The following TRAPPC9 variants were observed in gnomAD, a reference collection of about 807,000 sequenced individuals.
TRAPPC9 encodes trafficking protein particle complex subunit 9.
In TRAPPC9, 83 loss-of-function variants were observed where a neutral mutation model predicts 124.0. The ratio of observed to expected loss-of-function variants is 0.67; its 90% CI spans 0.56 to 0.80. The LOEUF (loss-of-function observed/expected upper bound fraction) is 0.80, where lower values mean the gene tolerates loss of function less well. Among genes scored for constraint, TRAPPC9 ranks in the 30% least tolerant of loss-of-function variants. The pLI is 0.00. For synonymous variants in TRAPPC9, 638 were observed against 617.5 expected (o/e 1.03, Z -0.49); for missense variants, 1,302 against 1,508.3 (o/e 0.86, Z 2.27).
In TRAPPC9 at chr8:140,097,254, T is replaced by A. The variant is rs2060469014; in HGVS notation, c.2557-73175A>T. On this transcript the variant is annotated intron_variant, in intron 17 of 22. Coordinates refer to ENST00000438773, the MANE Select transcript of TRAPPC9 (RefSeq NM_001160372.4). The surrounding 1 kb of genome is among the most constrained non-coding windows in gnomAD (Gnocchi z 4.2). ...GCAGAAGAGGAACACACACACCCCA[T>A]CCCCACCAGGTCCTGAGTGCACAGC... 1.3e-5 allele frequency: 2 copies of A among 152,264 alleles called. No homozygotes were observed. Among genetic ancestry groups the A allele is most frequent in the Non-Finnish European group, 2.9e-5 (2 of 68,274 alleles). The allele number at this position is 152,264 out of a possible 1,614,324, so 9.4% of individuals were successfully genotyped here.
At chr8:140,320,931 C>T (rs1191533063) in intron 9 of TRAPPC9, among the ~76,000 whole-genome samples, 1 of 152,188 alleles carries the variant, frequency 6.6e-6, no homozygotes, top group African/African-American at 2.4e-5. Flanking sequence ...GTGCCCATTA[C>T]GAGTACACCT....
Position 140,229,523 on chromosome 8 carries a change from C to G in TRAPPC9, c.2432-7940G>C, listed in dbSNP as rs941661631. Among the ~76,000 whole-genome samples the G allele has an allele frequency of 1.1e-4, 16 of 151,928 alleles. 1 individual carries two copies. Among genetic ancestry groups the G allele is most frequent in the Admixed American group, 9.8e-4 (15 of 15,260 alleles). On this transcript the variant is annotated intron_variant, in intron 16 of 22. Coordinates refer to ENST00000438773, the MANE Select transcript of TRAPPC9 (RefSeq NM_001160372.4). The stretch of plus-strand genomic sequence containing the variant: ...GACCTCGTGATCCACCCACCTCGGC[C>G]TCCCAAAGTGCTGGAATTATATATA...
intron 2 of TRAPPC9, among the ~76,000 whole-genome samples, chr8:140,444,867 G>A (rs867742764): frequency 1.4e-4 from 16 of 113,972 alleles, no homozygotes; most frequent in Non-Finnish European, 1.4e-4. Flanking sequence ...CCAATCTCAG[G>A]AAAAAAAAAA....
chr8:140,019,258 GTTTTC>G (rs1839672225), intron 18 of TRAPPC9, among the ~76,000 whole-genome samples: 1 of 152,098 alleles, frequency 6.6e-6, no homozygotes. Context: ...TTGGTCTACA[GTTTTC>G]TTTTCTCATA....
intron 18 of TRAPPC9, among the ~76,000 whole-genome samples, chr8:139,996,108 G>A (rs1246842515): frequency 1.1e-4 from 8 of 71,756 alleles, no homozygotes; most frequent in South Asian, 1.1e-3. Context: ...GTGAAAAGAC[G>A]GAAAATCTCA....
intron 21 of TRAPPC9, among the ~76,000 whole-genome samples, chr8:139,831,016 A>T (rs10108609): frequency 6.6e-6 from 1 of 152,110 alleles, no homozygotes; most frequent in Admixed American, 6.6e-5. Context: ...GCACTTGGCA[A>T]TCACAGCGAC....
intron 18 of TRAPPC9, among the ~76,000 whole-genome samples, chr8:139,991,521 T>A (rs4998523): frequency 0.015 from 2,359 of 152,306 alleles, 54 homozygotes; most frequent in African/African-American, 0.053. Context: ...TGGCTTTGGA[T>A]GCTTGGTTTT....
At chr8:140,224,910 A>C (rs960981737) in intron 16 of TRAPPC9, among the ~76,000 whole-genome samples, 2 of 152,148 alleles carry the variant, frequency 1.3e-5, no homozygotes, top group Non-Finnish European at 1.5e-5. Flanking sequence ...GCCCGGTAGG[A>C]GATCAGAGGG....
At position 139,788,832 on chromosome 8, in the gene TRAPPC9, G is replaced by T. The variant is rs889843224; in HGVS notation, c.3056-56630C>A. Among the ~76,000 whole-genome samples, 21 of 152,188 alleles carry T rather than the reference G, an allele frequency of 1.4e-4. No homozygotes were observed. The highest frequency in any genetic ancestry group is 2.2e-4 in the Non-Finnish European group (15 of 68,038). On this transcript the variant is annotated intron_variant, in intron 21 of 22. Transcript: ENST00000438773. The surrounding 1 kb of genome is among the most constrained non-coding windows in gnomAD (Gnocchi z 4.9). ...GCTGCCTTCACAAGAGGTGTGGTGG[G>T]GGGCTTTCAGAAACAAAACAAGATA...
At chr8:140,034,463 A>G (rs1840748056) in intron 17 of TRAPPC9, among the ~76,000 whole-genome samples, 1 of 152,156 alleles carries the variant, frequency 6.6e-6, no homozygotes, top group Non-Finnish European at 1.5e-5. Context: ...CACCTCCTCA[A>G]TAAACAGCAC....
intron 17 of TRAPPC9, among the ~76,000 whole-genome samples, chr8:140,152,707 A>G (rs971642220): frequency 6.6e-6 from 1 of 151,998 alleles, no homozygotes; most frequent in Non-Finnish European, 1.5e-5. Context: ...CTGATCCATG[A>G]GCATGGTATG....
intron 21 of TRAPPC9, among the ~76,000 whole-genome samples, chr8:139,840,828 C>T (rs1419526733): frequency 6.6e-6 from 1 of 152,224 alleles, no homozygotes; most frequent in Non-Finnish European, 1.5e-5. Context: ...GTAGGCTTGT[C>T]CTTCCCTTGT....
chr8:139,931,923 A>C, intron 19 of TRAPPC9: 1 of 188,214 alleles, frequency 5.3e-6, no homozygotes. Context: ...TCTGTGTTGA[A>C]AATAAAGAAT....
At chr8:139,737,783 G>A (rs1246889947) in intron 21 of TRAPPC9, among the ~76,000 whole-genome samples, 1 of 152,180 alleles carries the variant, frequency 6.6e-6, no homozygotes, top group African/African-American at 2.4e-5. Context: ...CAGTCTTTAG[G>A]TGGGGTAGAA....
intron 17 of TRAPPC9, among the ~76,000 whole-genome samples, chr8:140,199,019 G>C (rs553564239): frequency 6.6e-6 from 1 of 152,216 alleles, no homozygotes; most frequent in African/African-American, 2.4e-5. Flanking sequence ...CAAGCGGGGA[G>C]TGCGGGACTC....
At chr8:139,853,234 T>C (rs989284644) in intron 21 of TRAPPC9, among the ~76,000 whole-genome samples, 1 of 152,210 alleles carries the variant, frequency 6.6e-6, no homozygotes, top group Non-Finnish European at 1.5e-5. Flanking sequence ...AGGAGCAATG[T>C]GCAGGATGCT....
chr8:140,400,626 C>A (rs1231307927), intron 6 of TRAPPC9, among the ~76,000 whole-genome samples: 1 of 152,252 alleles, frequency 6.6e-6, no homozygotes, highest in Non-Finnish European at 1.5e-5. Context: ...AACAGAAAAG[C>A]CTTCGTGGAA....
At chr8:140,118,226 G>T (rs558992944) in intron 17 of TRAPPC9, among the ~76,000 whole-genome samples, 2 of 152,154 alleles carry the variant, frequency 1.3e-5, no homozygotes, top group East Asian at 1.9e-4. Context: ...CAGACCAGCC[G>T]CCTGGAATGG....
intron 19 of TRAPPC9, among the ~76,000 whole-genome samples, chr8:139,921,993 A>G (rs1389066449): frequency 6.6e-6 from 1 of 152,082 alleles, no homozygotes; most frequent in Non-Finnish European, 1.5e-5. Flanking sequence ...AGAAGCCCAC[A>G]TGGAAATAAA....
Sources: gnomAD v4.1 joint callset for allele counts (sites outside exome capture counted in the v4.1 genomes callset) on GRCh38, gnomAD v4.1.1 for gene constraint, Gnocchi (gnomAD v3.1) non-coding constraint, MANE v1.5 for transcripts, NCBI Gene and HGNC (gene_info 2026-07-23, HGNC 2026-07-21) for gene names.